The following COBL variants were observed in gnomAD, a reference collection of about 807,000 sequenced individuals.
COBL encodes cordon-bleu WH2 repeat protein, also known as protein cordon-bleu.
Under a neutral mutation model 98.8 loss-of-function variants are expected in COBL, and 51 were observed. That is an observed-to-expected ratio of 0.52 (90% CI 0.41 to 0.65). COBL has a LOEUF of 0.65. Ranked by LOEUF, COBL falls within the 30% of genes least tolerant of loss-of-function variation. The probability of loss-of-function intolerance (pLI) is 0.00; values close to 1 mark genes in which losing one functional copy is unlikely to be tolerated. For missense variants in COBL, 1,617 were observed against 1,617.5 expected (o/e 1.00, Z 0.01); for synonymous variants, 634 against 651.7 (o/e 0.97, Z 0.41).
chr7:51,133,268 G>A (rs956567527), intron 6 of COBL, among the ~76,000 whole-genome samples: 3 of 152,158 alleles, frequency 2.0e-5, no homozygotes, highest in African/African-American at 4.8e-5. Flanking sequence ...CGCTACTGAT[G>A]TGTTTTAACA....
At chr7:51,131,255 T>C (rs1157776730) in intron 6 of COBL, among the ~76,000 whole-genome samples, 1 of 152,226 alleles carries the variant, frequency 6.6e-6, no homozygotes, top group African/African-American at 2.4e-5. Context: ...TATTTTTGAA[T>C]TACTTGTCAA....
chr7:51,184,675 G>C (rs1789315765), intron 4 of COBL, among the ~76,000 whole-genome samples: 1 of 152,084 alleles, frequency 6.6e-6, no homozygotes, highest in Non-Finnish European at 1.5e-5. Context: ...CATTGGTTTT[G>C]GTGCTAAGTC....
intron 7 of COBL, among the ~76,000 whole-genome samples, chr7:51,056,224 T>C (rs562777565): frequency 2.5e-4 from 29 of 116,264 alleles, no homozygotes; most frequent in African/African-American, 7.8e-4. Flanking sequence ...GGGTGCATGA[T>C]GAAGTGGGGG....
intron 12 of COBL, among the ~76,000 whole-genome samples, chr7:51,018,883 C>G (rs1379774993): frequency 3.8e-5 from 2 of 52,426 alleles, no homozygotes; most frequent in Non-Finnish European, 8.2e-5. Context: ...AAGAGAGAAA[C>G]TCCATCTCAA....
chr7:51,302,058 C>T (rs1040396763), intron 1 of COBL, among the ~76,000 whole-genome samples: 5 of 152,160 alleles, frequency 3.3e-5, no homozygotes, highest in African/African-American at 9.7e-5. Flanking sequence ...CGAGGGCAGC[C>T]GCCGAGCTGC....
chr7:51,182,330 G>T (rs1157940302), intron 5 of COBL, among the ~76,000 whole-genome samples: 1 of 151,242 alleles, frequency 6.6e-6, no homozygotes, highest in Admixed American at 6.6e-5. Context: ...CGCCCAGGCT[G>T]GAGTGCGCTA....
At chr7:51,192,367 G>A (rs1466008701) in intron 3 of COBL, among the ~76,000 whole-genome samples, 2 of 152,176 alleles carry the variant, frequency 1.3e-5, no homozygotes, top group African/African-American at 4.8e-5. Flanking sequence ...CAGCACTTTG[G>A]GAGGCTGAGG....
chr7:51,185,752 C>T (rs1244956686), intron 4 of COBL, among the ~76,000 whole-genome samples: 1 of 152,186 alleles, frequency 6.6e-6, no homozygotes, highest in Non-Finnish European at 1.5e-5. Flanking sequence ...AACAAGGTAA[C>T]CCTCAATTAA....
intron 6 of COBL, among the ~76,000 whole-genome samples, chr7:51,107,723 G>C (rs1205841937): frequency 3.3e-5 from 5 of 152,184 alleles, no homozygotes; most frequent in African/African-American, 1.2e-4. Context: ...TCAGGACCCA[G>C]AGAGAGCAGA....
chr7:51,050,330 GAA>G (rs1790113438), intron 7 of COBL, among the ~76,000 whole-genome samples: 1 of 152,138 alleles, frequency 6.6e-6, no homozygotes, highest in South Asian at 2.1e-4. Context: ...CCTGGGCAGA[GAA>G]AATTCCAAGT....
chr7:51,129,301 T>C (rs7800266), intron 6 of COBL, among the ~76,000 whole-genome samples: 2,301 of 151,772 alleles, frequency 0.015, 56 homozygotes, highest in African/African-American at 0.053. Context: ...CTTCTTGCTT[T>C]GCGCTCACAT....
intron 7 of COBL, among the ~76,000 whole-genome samples, chr7:51,084,377 C>T (rs1793992130): frequency 1.3e-5 from 2 of 152,106 alleles, no homozygotes; most frequent in African/African-American, 4.8e-5. Flanking sequence ...CTGACACACG[C>T]CATTCTTGGG....
intron 2 of COBL, among the ~76,000 whole-genome samples, chr7:51,195,475 T>C (rs1004937339): frequency 1.2e-4 from 19 of 152,234 alleles, no homozygotes; most frequent in Admixed American, 3.3e-4. Context: ...TTCTTTTGCT[T>C]AGGATGGCCT....
intron 6 of COBL, among the ~76,000 whole-genome samples, chr7:51,086,881 T>G (rs1331409920): frequency 4.6e-5 from 7 of 152,110 alleles, no homozygotes; most frequent in Non-Finnish European, 7.4e-5. Flanking sequence ...TAATATATTT[T>G]ACATAAAACA....
At chr7:51,085,444 T>G in intron 6 of COBL, 140 bp from the exon 7 acceptor site, 535 of 773,382 alleles carry the variant, frequency 6.9e-4, no homozygotes, top group East Asian at 9.3e-4. Context: ...AGATGGCCAG[T>G]TCCCTTTCCA....
At chr7:51,044,103 T>C (rs1789465802) in intron 7 of COBL, among the ~76,000 whole-genome samples, 2 of 152,236 alleles carry the variant, frequency 1.3e-5, no homozygotes, top group Non-Finnish European at 2.9e-5. Context: ...GAAATATAAA[T>C]AAGCAGACAT....
chr7:51,119,451 G>A (rs1366079826), intron 6 of COBL, among the ~76,000 whole-genome samples: 1 of 152,166 alleles, frequency 6.6e-6, no homozygotes, highest in East Asian at 1.9e-4. Flanking sequence ...TTTACCTTGG[G>A]CCTGTGTTTG....
At chr7:51,026,829 C>T (rs1787619659) in intron 10 of COBL, among the ~76,000 whole-genome samples, 164 bp from the exon 11 acceptor site, 1 of 151,964 alleles carries the variant, frequency 6.6e-6, no homozygotes, top group Non-Finnish European at 1.5e-5. Flanking sequence ...ACCCGGGAGG[C>T]AGAGGTTGCA....
chr7:51,026,599 A>T lies in COBL; in HGVS notation c.3451T>A (p.Ser1151Thr). The change falls in exon 11 of 13, where the codon TCT becomes ACT. Residue 1151 changes from serine to threonine, a missense_variant. Ser to Thr is a moderately conservative substitution (Grantham distance 58, BLOSUM62 1). Around this residue, in one of 3 missense-constraint regions of COBL, gnomAD observed 1,304 missense variants for 1,282.0 expected, o/e 1.02. Transcript: ENST00000265136. The part of the protein sequence containing the change: ...LSYTEAEGER[S>T]ALLAAIRGHS... ...CCGCGGATAGCTGCCAGCAGTGCAG[A>T]TCGTTCGCCCTCTGCCTCCGTGTAG... is the stretch of plus-strand genomic sequence containing the variant. 6.2e-7 allele frequency: 1 copy of T among 1,614,182 alleles called. No homozygotes were observed. Among genetic ancestry groups the T allele is most frequent in the Non-Finnish European group, 8.5e-7 (1 of 1,180,042 alleles).
Sources: gnomAD v4.1 joint callset for allele counts (sites outside exome capture counted in the v4.1 genomes callset) on GRCh38, gnomAD v4.1.1 for gene constraint, gnomAD v4.1.1 regional missense constraint, MANE v1.5 for transcripts, NCBI Gene and HGNC (gene_info 2026-07-23, HGNC 2026-07-21) for gene names.